NXPE2: variants seen among roughly 807,000 people sequenced by gnomAD.
NXPE2 encodes neurexophilin and PC-esterase domain family member 2.
A neutral mutation model predicts 34.4 loss-of-function variants in NXPE2; 34 were observed. The observed-to-expected ratio is 0.99, with a 90% CI of 0.75 to 1.31. NXPE2 has a LOEUF of 1.31. Among genes scored for constraint, NXPE2 ranks in the 40% most tolerant of loss-of-function variants. The pLI is 0.00. For synonymous variants in NXPE2, 235 were observed against 231.3 expected (o/e 1.02, Z -0.15); for missense variants, 649 against 672.5 (o/e 0.97, Z 0.39).
the NXPE2 span, among the ~76,000 whole-genome samples, chr11:114,485,785 A>G: frequency 2.6e-5 from 4 of 152,204 alleles, no homozygotes; most frequent in African/African-American, 7.2e-5. Context: ...TTCACTTAAC[A>G]TAATGACCTC....
At chr11:114,496,422 C>T in the NXPE2 span, among the ~76,000 whole-genome samples, 1 of 151,958 alleles carries the variant, frequency 6.6e-6, no homozygotes, top group Admixed American at 6.6e-5. Context: ...TCTTTCCTAC[C>T]CTCTTCAGTT....
At chr11:114,522,759 C>A in the NXPE2 span, 1 of 728,270 alleles carries the variant, frequency 1.4e-6, no homozygotes, top group South Asian at 1.9e-5. Context: ...TGTAAAGGTT[C>A]AAATCCAGAG....
At chr11:114,572,350 T>C in the NXPE2 span, among the ~76,000 whole-genome samples, 2 of 152,054 alleles carry the variant, frequency 1.3e-5, no homozygotes, top group Non-Finnish European at 2.9e-5. Context: ...TCACCACCAA[T>C]GGATCTAAAC....
chr11:114,483,424 A>G, the NXPE2 span, among the ~76,000 whole-genome samples: 5 of 152,206 alleles, frequency 3.3e-5, no homozygotes, highest in South Asian at 1.0e-3. Flanking sequence ...AGTTTTCTAA[A>G]GCACAGTTTG....
At chr11:114,751,848 A>AG in the NXPE2 span, among the ~76,000 whole-genome samples, 2 of 152,158 alleles carry the variant, frequency 1.3e-5, no homozygotes, top group Admixed American at 1.3e-4. Context: ...ACAAAATGGC[A>AG]GGGGGGTTAG....
At chr11:114,563,130 T>TG in the NXPE2 span, among the ~76,000 whole-genome samples, 1 of 151,732 alleles carries the variant, frequency 6.6e-6, no homozygotes, top group African/African-American at 2.4e-5. Flanking sequence ...TGCTATAAAG[T>TG]GGGGAAGGTA....
At chr11:114,516,306 C>T in the NXPE2 span, among the ~76,000 whole-genome samples, 6 of 152,082 alleles carry the variant, frequency 3.9e-5, no homozygotes, top group African/African-American at 1.4e-4. Context: ...GTAGGACACT[C>T]AAGAGCCTAA....
chr11:114,794,150 C>T, the NXPE2 span, among the ~76,000 whole-genome samples: 1 of 152,174 alleles, frequency 6.6e-6, no homozygotes, highest in Non-Finnish European at 1.5e-5. Flanking sequence ...TCTCCATCAT[C>T]TTCAGAACAA....
At chr11:114,526,149 C>T in the NXPE2 span, among the ~76,000 whole-genome samples, 1 of 152,124 alleles carries the variant, frequency 6.6e-6, no homozygotes, top group South Asian at 2.1e-4. Flanking sequence ...ATGTGGGCAG[C>T]CTTAAAAACC....
At chr11:114,606,048 C>G in the NXPE2 span, among the ~76,000 whole-genome samples, 2 of 151,846 alleles carry the variant, frequency 1.3e-5, no homozygotes, top group African/African-American at 2.4e-5. Flanking sequence ...TAAGGTCTGC[C>G]TCGTGGGTAA....
At chr11:114,794,418 C>A in the NXPE2 span, among the ~76,000 whole-genome samples, 8 of 152,292 alleles carry the variant, frequency 5.3e-5, no homozygotes, top group Non-Finnish European at 7.4e-5. Context: ...CCCTTCACTT[C>A]CAGATCATCT....
chr11:114,601,891 T>TATTATATAATA, the NXPE2 span, among the ~76,000 whole-genome samples: 1 of 57,850 alleles, frequency 1.7e-5, no homozygotes, highest in Non-Finnish European at 3.1e-5. Context: ...TAATTATATA[T>TATTATATAATA]TATATTTATA....
the NXPE2 span, among the ~76,000 whole-genome samples, chr11:114,475,473 A>T: frequency 4.0e-5 from 6 of 151,774 alleles, no homozygotes; most frequent in Non-Finnish European, 8.8e-5. Flanking sequence ...CGAACTCCTG[A>T]CCTCTTGATC....
At chr11:114,775,678 T>TA in the NXPE2 span, among the ~76,000 whole-genome samples, 9 of 152,270 alleles carry the variant, frequency 5.9e-5, 2 homozygotes, top group Admixed American at 5.2e-4. Flanking sequence ...TGTGGGGGTT[T>TA]TCCCCTCTTT....
chr11:114,555,287 G>A, the NXPE2 span, among the ~76,000 whole-genome samples: 1 of 151,936 alleles, frequency 6.6e-6, no homozygotes, highest in African/African-American at 2.4e-5. Context: ...ACAGTGGTGA[G>A]ATCTCAGCTC....
At chr11:114,637,396 A>T in the NXPE2 span, among the ~76,000 whole-genome samples, 1 of 152,022 alleles carries the variant, frequency 6.6e-6, no homozygotes, top group Admixed American at 6.6e-5. Flanking sequence ...CAGCACACTA[A>T]TGGGTCTTGA....
chr11:114,583,505 T>C, the NXPE2 span: 1 of 621,682 alleles, frequency 1.6e-6, no homozygotes, highest in Non-Finnish European at 3.1e-6. Context: ...AGATTACGTG[T>C]CTGAGCACAG....
chr11:114,593,983 G>A, the NXPE2 span, among the ~76,000 whole-genome samples: 3 of 152,006 alleles, frequency 2.0e-5, no homozygotes. Flanking sequence ...AATAATTGAA[G>A]TCATGGAGTT....
chr11:114,521,615 G>T, the NXPE2 span: 1 of 186,582 alleles, frequency 5.4e-6, no homozygotes, highest in South Asian at 1.3e-4. Flanking sequence ...GGTTATCATT[G>T]CTCCTAGGCC....
Sources: allele counts gnomAD v4.1 joint callset (sites outside exome capture counted in the v4.1 genomes callset), GRCh38; gene constraint gnomAD v4.1.1; transcripts MANE v1.5; gene names NCBI Gene and HGNC (gene_info 2026-07-23, HGNC 2026-07-21).